Variants in OPCML observed in about 807,000 individuals in gnomAD.
OPCML encodes opioid-binding protein/cell adhesion molecule.
Under a neutral mutation model 37.8 loss-of-function variants are expected in OPCML, and 13 were observed. That is an observed-to-expected ratio of 0.34 (90% CI 0.22 to 0.55). The LOEUF (loss-of-function observed/expected upper bound fraction) is 0.55, where lower values mean the gene tolerates loss of function less well. OPCML is among the 20% of genes least tolerant of loss of function. The probability of loss-of-function intolerance (pLI) is 0.91; values close to 1 mark genes in which losing one functional copy is unlikely to be tolerated. For missense variants in OPCML, 341 were observed against 435.6 expected (o/e 0.78, Z 1.93); for synonymous variants, 176 against 168.8 (o/e 1.04, Z -0.33).
intron 4 of OPCML, among the ~76,000 whole-genome samples, chr11:132,471,124 C>T (rs1024869155): frequency 3.3e-5 from 5 of 152,128 alleles, no homozygotes; most frequent in African/African-American, 1.2e-4. Flanking sequence ...TTTGGTAACG[C>T]ATTATTCAAT....
At chr11:133,447,666 C>G (rs1437595247) in intron 1 of OPCML, among the ~76,000 whole-genome samples, 2 of 152,174 alleles carry the variant, frequency 1.3e-5, no homozygotes, top group African/African-American at 2.4e-5. Flanking sequence ...TTAATGGCCT[C>G]CAGCTGCATC....
Position 132,540,605 on chromosome 11 carries a change from C to G in OPCML, c.380-11419G>C, listed in dbSNP as rs117710812. Among the ~76,000 whole-genome samples the G allele has an allele frequency of 5.6e-4, 86 of 152,282 alleles. 1 individual carries two copies. The East Asian group carries it at 0.015, about 26-fold the overall frequency. On this transcript the variant is annotated intron_variant, in intron 3 of 7. Transcript: ENST00000524381. The stretch of plus-strand genomic sequence containing the variant: ...TTTTATTTTGTGCTGCAGATAGACC[C>G]AGTCCATTCTGATTGCTATTCTCCT...
chr11:132,509,522 G>T (rs1425186013), intron 4 of OPCML, among the ~76,000 whole-genome samples: 1 of 152,132 alleles, frequency 6.6e-6, no homozygotes, highest in Non-Finnish European at 1.5e-5. Context: ...GTGATTTTGT[G>T]GGCCAGGCCC....
rs117048237 is a variant in OPCML, at chr11:133,062,652, C to T, written c.62-119642G>A. 7.5e-3 allele frequency among the ~76,000 whole-genome samples: 1,142 copies of T among 152,288 alleles called. 7 individuals are homozygous for T. The highest frequency in any genetic ancestry group is 0.011 in the Non-Finnish European group (722 of 68,036). ...CTGAGCCCTGCTTGTAGATTTAATGCGTCACCGCACCCAAGACTGCCTGAG... is the reference window on the plus strand; with the variant it reads ...CTGAGCCCTGCTTGTAGATTTAATGTGTCACCGCACCCAAGACTGCCTGAG... On this transcript the variant is annotated intron_variant, in intron 1 of 7. Coordinates refer to ENST00000524381, the MANE Select transcript of OPCML (RefSeq NM_001012393.5).
chr11:132,848,266 C>T (rs1277302766), intron 2 of OPCML, among the ~76,000 whole-genome samples: 1 of 152,220 alleles, frequency 6.6e-6, no homozygotes, highest in Non-Finnish European at 1.5e-5. Context: ...AAGTATGATG[C>T]TACCTTTAAA....
At chr11:133,301,549 G>C (rs1942778000) in intron 1 of OPCML, 3 of 152,118 alleles carry the variant, frequency 2.0e-5, no homozygotes, top group Admixed American at 6.6e-5. Context: ...TTAGGGATGA[G>C]GACATGTTCC....
At chr11:132,505,400 A>C (rs1395102909) in intron 4 of OPCML, among the ~76,000 whole-genome samples, 1 of 152,182 alleles carries the variant, frequency 6.6e-6, no homozygotes, top group East Asian at 1.9e-4. Context: ...TGCTATGTGC[A>C]CCATATCACA....
intron 1 of OPCML, among the ~76,000 whole-genome samples, chr11:132,966,133 T>C (rs779527485): frequency 2.0e-5 from 3 of 152,106 alleles, no homozygotes; most frequent in East Asian, 1.9e-4. Context: ...GATTATTGAT[T>C]TGAAAATTTT....
intron 1 of OPCML, among the ~76,000 whole-genome samples, chr11:133,170,843 G>T (rs1565484392): frequency 6.6e-6 from 1 of 152,148 alleles, no homozygotes; most frequent in Non-Finnish European, 1.5e-5. Flanking sequence ...AAGCTGGGAG[G>T]CAACTTGTCC....
intron 1 of OPCML, chr11:133,422,381 A>ATATATG: frequency 1.1e-6 from 1 of 923,916 alleles, no homozygotes; most frequent in Non-Finnish European, 1.3e-6. Context: ...AAGACATTAT[A>ATATATG]TATATATATA....
chr11:133,102,710 A>C (rs868248314), intron 1 of OPCML, among the ~76,000 whole-genome samples: 1 of 152,180 alleles, frequency 6.6e-6, no homozygotes, highest in African/African-American at 2.4e-5. Flanking sequence ...AGATCGCCCC[A>C]CTGCACTCCA....
At chr11:132,567,469 T>A (rs1269010326) in intron 3 of OPCML, among the ~76,000 whole-genome samples, 1 of 152,040 alleles carries the variant, frequency 6.6e-6, no homozygotes, top group Non-Finnish European at 1.5e-5. Flanking sequence ...GGATGGTGAA[T>A]TTGTTATGAA....
intron 2 of OPCML, among the ~76,000 whole-genome samples, chr11:132,713,628 T>C (rs972340164): frequency 2.0e-5 from 3 of 152,210 alleles, no homozygotes; most frequent in African/African-American, 7.2e-5. Flanking sequence ...TCCTCCCTCA[T>C]ACCTAAAATG....
chr11:132,452,465 C>A (rs1214597009), intron 4 of OPCML, among the ~76,000 whole-genome samples: 1 of 152,020 alleles, frequency 6.6e-6, no homozygotes, highest in African/African-American at 2.4e-5. Context: ...AAGCTGTGAT[C>A]CACCAGCCTG....
chr11:132,931,036 A>G (rs1264173741), intron 2 of OPCML, among the ~76,000 whole-genome samples: 1 of 152,178 alleles, frequency 6.6e-6, no homozygotes, highest in Non-Finnish European at 1.5e-5. Flanking sequence ...ATTACTTTTA[A>G]CAAGGATACC....
At chr11:132,595,226 G>T (rs1488636842) in intron 3 of OPCML, among the ~76,000 whole-genome samples, 1 of 152,042 alleles carries the variant, frequency 6.6e-6, no homozygotes. Flanking sequence ...TAGGGAAAAG[G>T]CATATTGAGA....
intron 4 of OPCML, among the ~76,000 whole-genome samples, chr11:132,479,567 G>T (rs540803075): frequency 6.6e-6 from 1 of 152,302 alleles, no homozygotes; most frequent in East Asian, 1.9e-4. Context: ...CCACCTCTGG[G>T]GGCAGGGCAC....
chr11:132,605,491 G>C (rs1938227019), intron 3 of OPCML, among the ~76,000 whole-genome samples: 1 of 152,056 alleles, frequency 6.6e-6, no homozygotes, highest in African/African-American at 2.4e-5. Flanking sequence ...CTGAACCCGG[G>C]AGGTGGAGGT....
chr11:133,170,937 C>T (rs1395559565), intron 1 of OPCML, among the ~76,000 whole-genome samples: 2 of 152,206 alleles, frequency 1.3e-5, no homozygotes, highest in African/African-American at 2.4e-5. Context: ...CCTGGGGAGA[C>T]TCAGAGTTCC....
Sources: allele counts gnomAD v4.1 joint callset (sites outside exome capture counted in the v4.1 genomes callset), GRCh38; gene constraint gnomAD v4.1.1; transcripts MANE v1.5; gene names NCBI Gene and HGNC (gene_info 2026-07-23, HGNC 2026-07-21).